The following SHROOM3 variants were observed in gnomAD, a reference collection of about 807,000 sequenced individuals.
SHROOM3 encodes shroom family member 3.
Under a neutral mutation model 138.6 loss-of-function variants are expected in SHROOM3, and 47 were observed. That is an observed-to-expected ratio of 0.34 (90% confidence interval 0.27 to 0.43). SHROOM3 has a LOEUF of 0.43. Among genes scored for constraint, SHROOM3 ranks in the 20% least tolerant of loss-of-function variants. The pLI is 1.00. For missense variants in SHROOM3, 2,491 were observed against 2,596.5 expected, an observed-to-expected ratio of 0.96 and a Z score of 0.88; for synonymous variants, 1,062 against 1,063.3, an observed-to-expected ratio of 1.00 and a Z score of 0.02.
intron 2 of SHROOM3, among the ~76,000 whole-genome samples, chr4:76,574,402 GA>G (rs1344983817): frequency 6.6e-6 from 1 of 152,066 alleles, no homozygotes; most frequent in Non-Finnish European, 1.5e-5. Context: ...GGGAACTCTG[GA>G]GTTTGAGCCT....
intron 2 of SHROOM3, among the ~76,000 whole-genome samples, chr4:76,706,587 G>A (rs558612583): frequency 1.3e-5 from 2 of 152,172 alleles, no homozygotes; most frequent in South Asian, 2.1e-4. Context: ...AGAGATGGAC[G>A]AAGAGGTGGA....
At chr4:76,726,916 G>A (rs368696564) in intron 3 of SHROOM3, among the ~76,000 whole-genome samples, 13 of 152,220 alleles carry the variant, frequency 8.5e-5, no homozygotes, top group South Asian at 2.1e-4. Flanking sequence ...AAATCTTCTC[G>A]GCATCTAGCT....
chr4:76,541,094 A>G (rs1020866006), intron 1 of SHROOM3, among the ~76,000 whole-genome samples: 1 of 152,170 alleles, frequency 6.6e-6, no homozygotes, highest in African/African-American at 2.4e-5. Context: ...TCTTTTCCTT[A>G]TTTGTAAAAC....
At chr4:76,536,506 G>A (rs529137882) in intron 1 of SHROOM3, among the ~76,000 whole-genome samples, 30 of 152,276 alleles carry the variant, frequency 2.0e-4, no homozygotes, top group African/African-American at 7.0e-4. Flanking sequence ...AGTGGACCAA[G>A]GTTAGGTTTT....
intron 2 of SHROOM3, among the ~76,000 whole-genome samples, chr4:76,613,072 A>C (rs868686488): frequency 6.6e-6 from 1 of 152,320 alleles, no homozygotes; most frequent in Admixed American, 6.5e-5. Flanking sequence ...TGTTATAAAA[A>C]CAAAACAAAA....
chr4:76,617,873 C>A (rs1433626573), intron 2 of SHROOM3, among the ~76,000 whole-genome samples: 3 of 152,210 alleles, frequency 2.0e-5, no homozygotes, highest in Admixed American at 6.5e-5. Flanking sequence ...GAATTTGAAA[C>A]TTGTAAACAC....
At chr4:76,481,007 C>G (rs916523894) in intron 1 of SHROOM3, among the ~76,000 whole-genome samples, 2 of 152,116 alleles carry the variant, frequency 1.3e-5, no homozygotes, top group African/African-American at 4.8e-5. Flanking sequence ...ATTTATAGCA[C>G]TAAATGCCCA....
chr4:76,518,022 A>G lies in SHROOM3; in HGVS notation c.169-37587A>G, dbSNP rs905602784. ...TTCTAAATCAGATTTTTTTTAGTCCAGAGGGACAGCTTTTAAAATGAGAGA... is the reference window on the plus strand; with the variant it reads ...TTCTAAATCAGATTTTTTTTAGTCCGGAGGGACAGCTTTTAAAATGAGAGA... On this transcript the variant is annotated intron_variant, in intron 1 of 10. Coordinates refer to ENST00000296043, the MANE Select transcript of SHROOM3 (RefSeq NM_020859.4). Among the ~76,000 whole-genome samples the G allele has an allele frequency of 4.6e-5, 7 of 152,234 alleles. No individual in the cohort carries two copies. In the East Asian group the frequency reaches 1.3e-3, roughly 29 times the overall value.
At chr4:76,566,108 C>CAAAAAAAAAAA (rs1170771360) in intron 2 of SHROOM3, among the ~76,000 whole-genome samples, 1 of 59,344 alleles carries the variant, frequency 1.7e-5, no homozygotes. Flanking sequence ...AACCCTGTCT[C>CAAAAAAAAAAA]AAAAAAAAAA....
intron 2 of SHROOM3, among the ~76,000 whole-genome samples, chr4:76,694,017 C>A (rs1719650717): frequency 6.6e-6 from 1 of 151,924 alleles, no homozygotes; most frequent in South Asian, 2.1e-4. Flanking sequence ...TAACGTCATG[C>A]TTTTCAGTAA....
chr4:76,749,440 G>T (rs1721552720), intron 6 of SHROOM3, among the ~76,000 whole-genome samples: 1 of 152,160 alleles, frequency 6.6e-6, no homozygotes, highest in African/African-American at 2.4e-5. Flanking sequence ...TGCTACTGAG[G>T]ACAAGGTTGA....
intron 2 of SHROOM3, among the ~76,000 whole-genome samples, chr4:76,695,965 T>A (rs374216842): frequency 2.0e-4 from 30 of 152,288 alleles, no homozygotes; most frequent in African/African-American, 7.0e-4. Flanking sequence ...CTAAGCAAAG[T>A]GTTGCTTGCA....
intron 1 of SHROOM3, among the ~76,000 whole-genome samples, chr4:76,457,938 G>A (rs1349891453): frequency 6.6e-6 from 1 of 151,324 alleles, no homozygotes; most frequent in Non-Finnish European, 1.5e-5. Flanking sequence ...TGGGATTACA[G>A]GTGCCCACCA....
In SHROOM3 at chr4:76,559,969, G is replaced by T. The variant is rs1688128129; in HGVS notation, c.323+4206G>T. 2.0e-5 allele frequency among the ~76,000 whole-genome samples: 3 copies of T among 152,326 alleles called. No individual in the cohort carries two copies. In the South Asian group the frequency reaches 6.2e-4, roughly 32 times the overall value. On this transcript the variant is annotated intron_variant, in intron 2 of 10. Transcript: ENST00000296043. The stretch of plus-strand genomic sequence containing the variant: ...GAAGAGTGAAGGTTAACAGCTAGTA[G>T]TGGATAAATGGAGAAGAAATGATAA...
chr4:76,547,473 G>A (rs1474407788), intron 1 of SHROOM3, among the ~76,000 whole-genome samples: 3 of 152,186 alleles, frequency 2.0e-5, no homozygotes, highest in African/African-American at 7.2e-5. Flanking sequence ...CAATCATGAT[G>A]ATAATTAATG....
chr4:76,676,944 CAAAAA>C (rs58270392), intron 2 of SHROOM3, among the ~76,000 whole-genome samples: 10 of 79,044 alleles, frequency 1.3e-4, no homozygotes, highest in African/African-American at 4.5e-4. Context: ...CTCCGTCTCA[CAAAAA>C]AAAAAAAAAA....
intron 1 of SHROOM3, among the ~76,000 whole-genome samples, chr4:76,452,420 G>A (rs1045507456): frequency 3.9e-5 from 6 of 152,068 alleles, no homozygotes; most frequent in Non-Finnish European, 7.4e-5. Flanking sequence ...CCTGGCAACC[G>A]CCATTCTACT....
intron 2 of SHROOM3, among the ~76,000 whole-genome samples, chr4:76,572,018 G>A (rs934030531): frequency 1.3e-5 from 2 of 152,048 alleles, no homozygotes; most frequent in African/African-American, 4.8e-5. Context: ...CCTCCATACT[G>A]CGCCCCCCAG....
intron 3 of SHROOM3, among the ~76,000 whole-genome samples, chr4:76,724,952 C>T (rs772957238): frequency 2.0e-5 from 3 of 152,162 alleles, no homozygotes; most frequent in Admixed American, 2.0e-4. Flanking sequence ...TATTTTTGGT[C>T]ATCCTTTTCA....
Sources: allele counts gnomAD v4.1 joint callset (sites outside exome capture counted in the v4.1 genomes callset), GRCh38; gene constraint gnomAD v4.1.1; transcripts MANE v1.5; gene names NCBI Gene and HGNC (gene_info 2026-07-23, HGNC 2026-07-21).